Variants in MIB2 observed in about 807,000 individuals in gnomAD.
MIB2 encodes the protein E3 ubiquitin-protein ligase MIB2.
A neutral mutation model predicts 96.6 loss-of-function variants in MIB2; 78 were observed. The observed-to-expected ratio is 0.81, with a 90% CI of 0.67 to 0.97. The LOEUF (loss-of-function observed/expected upper bound fraction) is 0.97. Ranked by LOEUF, MIB2 falls within the 50% of genes least tolerant of loss-of-function variation. The probability of loss-of-function intolerance (pLI) is 0.00; values close to 1 mark genes in which losing one functional copy is unlikely to be tolerated. For synonymous variants in MIB2, 820 were observed against 629.5 expected, an observed-to-expected ratio of 1.30 and a Z score of -4.53; for missense variants, 1,543 against 1,424.0, an observed-to-expected ratio of 1.08 and a Z score of -1.35.
chr1:1,617,198 C>T (rs892850648), intron 2 of MIB2: 5 of 153,198 alleles, frequency 3.3e-5, no homozygotes, highest in Admixed American at 2.0e-4. Flanking sequence ...TGTGGCGTGC[C>T]ACACACAGCG....
Position 1,623,441 on chromosome 1 carries a change from G to A in MIB2, c.-12G>A, listed in dbSNP as rs1366380524. 2 of 1,601,646 alleles carry A rather than the reference G, an allele frequency of 1.2e-6. No homozygotes were observed. The highest frequency in any genetic ancestry group is 1.7e-6 in the Non-Finnish European group (2 of 1,175,688). On this transcript the variant is annotated 5_prime_UTR_variant, in exon 3 of 20. Coordinates refer to ENST00000355826, the MANE Select transcript of MIB2 (RefSeq NM_001170687.4). ...CCCCTCTGCCCACAGGTCCCGAGCA[G>A]CCCCGCCCAACATGGACCCAGACCC...
At position 1,627,397 on chromosome 1, in the gene MIB2, C is replaced by T; in HGVS notation, c.1476C>T (p.Asp492=). The T allele has an allele frequency of 1.2e-6, 2 of 1,612,996 alleles. No homozygotes were observed. The highest frequency in any genetic ancestry group is 8.5e-7 in the Non-Finnish European group (1 of 1,179,948). The change falls in exon 12 of 20, where the codon GAC becomes GAT. Residue 492 remains aspartate (D), a synonymous_variant. Transcript: ENST00000355826. ...RLLLQARAGV[D]LPDDEGNTAL... ...TGCTACAAGCCAGGGCGGGCGTGGA[C>T]CTGCCGGACGACGAGGGCAACACGG...
At position 1,626,300 on chromosome 1, in the gene MIB2, C is replaced by T. The variant is rs1281635489; in HGVS notation, c.973-350C>T. ...TGGGCCCGTCCTGCACCCCATGGTC[C>T]TGGGGCCCCACCCCCACGCTGGCTC... is the stretch of plus-strand genomic sequence containing the variant. On this transcript the variant is annotated intron_variant, in intron 8 of 19. Coordinates refer to ENST00000355826, the MANE Select transcript of MIB2 (RefSeq NM_001170687.4). This position sits in a 1 kb window ranked among gnomAD's most constrained non-coding sequence, Gnocchi z 5.3. 1.4e-5 allele frequency: 5 copies of T among 357,800 alleles called. No individual in the cohort carries two copies. The South Asian group carries it at 1.5e-4, about 11-fold the overall frequency. The allele number at this position is 357,800 out of a possible 1,614,324, so 22.2% of individuals were successfully genotyped here.
Position 1,626,619 on chromosome 1 carries a change from G to A in MIB2, c.973-31G>A. 6.6e-7 allele frequency: 1 copy of A among 1,507,686 alleles called. No homozygotes were observed. Among genetic ancestry groups the A allele is most frequent in the East Asian group, 2.4e-5 (1 of 42,468 alleles). 93.4% of individuals were successfully genotyped at this position (1,507,686 alleles called of 1,614,324 possible). A position where few individuals can be genotyped will look rare whatever the true frequency, so the allele number is the denominator to read the frequency against. On this transcript the variant is annotated intron_variant, in intron 8 of 19. Transcript: ENST00000355826. The surrounding 1 kb of genome is among the most constrained non-coding windows in gnomAD (Gnocchi z 5.3). ...AGCCTGGGCAGCCACACACAGCTGGGGGGCCCCTCACGCCCCTCTTTGTCG... is the reference window on the plus strand; with the variant it reads ...AGCCTGGGCAGCCACACACAGCTGGAGGGCCCCTCACGCCCCTCTTTGTCG...
rs774154462 is a variant in MIB2 at position 1,615,625 on chromosome 1, C to G, written c.-138C>G. ...ACTGGCGCGATGCGGGCCGTCCTCTCGGCTGATGGTGCGTGCGGGCGCGGA... is the reference window on the plus strand; with the variant it reads ...ACTGGCGCGATGCGGGCCGTCCTCTGGGCTGATGGTGCGTGCGGGCGCGGA... On this transcript the variant is annotated 5_prime_UTR_variant, in exon 1 of 20. Coordinates refer to ENST00000355826, the MANE Select transcript of MIB2 (RefSeq NM_001170687.4). 2.5e-6 allele frequency: 4 copies of G among 1,573,518 alleles called. No individual in the cohort carries two copies. The highest frequency in any genetic ancestry group is 3.4e-6 in the Non-Finnish European group (4 of 1,163,862).
chr1:1,626,385 C>G lies in MIB2; in HGVS notation c.973-265C>G, dbSNP rs1644764883. 2 of 501,872 alleles carry G rather than the reference C, an allele frequency of 4.0e-6. No homozygotes were observed. Among genetic ancestry groups the G allele is most frequent in the South Asian group, 6.6e-5 (2 of 30,200 alleles). 31.1% of individuals were successfully genotyped at this position (501,872 alleles called of 1,614,324 possible). On this transcript the variant is annotated intron_variant, in intron 8 of 19. Transcript: ENST00000355826. This position sits in a 1 kb window ranked among gnomAD's most constrained non-coding sequence, Gnocchi z 5.3. ...CGTACAGCTTCCCAGGGCCAGCCAC[C>G]TCGGCTTCACACCTGCCCAGAGCTG... is the stretch of plus-strand genomic sequence containing the variant.
At position 1,626,901 on chromosome 1, in the gene MIB2, C is replaced by T. The variant is rs753978799; in HGVS notation, c.1142C>T (p.Ala381Val). ...GACGGGAACCTGCGTGTAGCAGTCGCTGGTCAGCGGTGGACCTTCAGCCCC... is the reference window on the plus strand; with the variant it reads ...GACGGGAACCTGCGTGTAGCAGTCGTTGGTCAGCGGTGGACCTTCAGCCCC... ...FGDGNLRVAV[A>V]GQRWTFSPSC... Residue 381 changes from alanine (A) to valine (V), a missense_variant, in exon 10 of 20, where the codon GCT (alanine) becomes GTT (valine). By Grantham distance (64) the Ala-to-Val change is moderately conservative. Coordinates refer to ENST00000355826, the MANE Select transcript of MIB2 (RefSeq NM_001170687.4). This position sits in a 1 kb window ranked among gnomAD's most constrained non-coding sequence, Gnocchi z 5.3. 5.6e-6 allele frequency: 9 copies of T among 1,607,590 alleles called. No individual in the cohort carries two copies. Among genetic ancestry groups the T allele is most frequent in the Admixed American group, 5.0e-5 (3 of 59,880 alleles).
rs1274766464 is a variant in MIB2, at chr1:1,627,587, T to A, written c.1524-86T>A. ...GGCCCGGCGGGGCTGAGCCTGTGCG[T>A]CCTGGGGTCGGGCCTGGCGGGGCTG... is the stretch of plus-strand genomic sequence containing the variant. On this transcript the variant is annotated intron_variant, in intron 12 of 19. Coordinates refer to ENST00000355826, the MANE Select transcript of MIB2 (RefSeq NM_001170687.4). 2.0e-6 allele frequency: 3 copies of A among 1,506,728 alleles called. No homozygotes were observed. The African/African-American group carries it at 4.2e-5, about 21-fold the overall frequency. The allele number at this position is 1,506,728 out of a possible 1,614,324, so 93.3% of individuals were successfully genotyped here.
chr1:1,626,554 C>T lies in MIB2; in HGVS notation c.973-96C>T. Reference sequence around the variant, plus strand: ...GGGGCCGGGGCCGAGTCAGGCCTGCCTGTCTCGTGGAGCTCAGCAGGTTGC... The same window carrying T: ...GGGGCCGGGGCCGAGTCAGGCCTGCTTGTCTCGTGGAGCTCAGCAGGTTGC... On this transcript the variant is annotated intron_variant, in intron 8 of 19. Transcript: ENST00000355826. The surrounding 1 kb of genome is among the most constrained non-coding windows in gnomAD (Gnocchi z 5.3). 1.8e-6 allele frequency: 2 copies of T among 1,094,668 alleles called. No individual in the cohort carries two copies. The highest frequency in any genetic ancestry group is 3.0e-4 in the Middle Eastern group (1 of 3,344). The allele number at this position is 1,094,668 out of a possible 1,614,324, so 67.8% of individuals were successfully genotyped here. A position where few individuals can be genotyped will look rare whatever the true frequency, so the allele number is the denominator to read the frequency against.
chr1:1,628,335 T>C lies in MIB2; in HGVS notation c.1904T>C (p.Phe635Ser), dbSNP rs369027281. The change falls in exon 15 of 20, where the codon TTC becomes TCC. Residue 635 changes from phenylalanine to serine, a missense_variant. By Grantham distance (155) the Phe-to-Ser change is radical. Coordinates refer to ENST00000355826, the MANE Select transcript of MIB2 (RefSeq NM_001170687.4). ...QLVDAKKEDG[F>S]TALHLAALNN... ...GTGGACGCCAAGAAGGAGGACGGCTTCACGGCGCTGCATCTGGCTGCCCTC... is the reference window on the plus strand; with the variant it reads ...GTGGACGCCAAGAAGGAGGACGGCTCCACGGCGCTGCATCTGGCTGCCCTC... 3 of 1,612,710 alleles carry C rather than the reference T, an allele frequency of 1.9e-6. No individual in the cohort carries two copies. In the African/African-American group the frequency reaches 4.0e-5, roughly 22 times the overall value.
At chr1:1,615,367 C>T (rs976363341), upstream of MIB2, 2 of 1,417,848 alleles carry the variant, frequency 1.4e-6, no homozygotes, top group South Asian at 1.5e-5. Context: ...CGCTCGGAAC[C>T]TAGCTGCGCC....
At chr1:1,629,745 C>T in intron 19 of MIB2, 41 bp downstream of exon 19, 1 of 1,531,272 alleles carries the variant, frequency 6.5e-7, no homozygotes, top group Non-Finnish European at 8.8e-7. Flanking sequence ...TCCTGCTCAG[C>T]TGGTGGCCCG....
In MIB2 at chr1:1,626,532, G is replaced by A; in HGVS notation, c.973-118G>A. 1 of 831,214 alleles carries A rather than the reference G, an allele frequency of 1.2e-6. No homozygotes were observed. Among genetic ancestry groups the A allele is most frequent in the Non-Finnish European group, 1.8e-6 (1 of 552,202 alleles). The allele number at this position is 831,214 out of a possible 1,614,324, so 51.5% of individuals were successfully genotyped here. The stretch of plus-strand genomic sequence containing the variant: ...GGCAGTGCCTGGGGTCGGGGTCGGG[G>A]CCGGGGCCGAGTCAGGCCTGCCTGT... On this transcript the variant is annotated intron_variant, in intron 8 of 19. Coordinates refer to ENST00000355826, the MANE Select transcript of MIB2 (RefSeq NM_001170687.4). This position sits in a 1 kb window ranked among gnomAD's most constrained non-coding sequence, Gnocchi z 5.3.
Position 1,630,433 on chromosome 1 carries a change from A to G in MIB2, c.2771A>G (p.Gln924Arg). 6.3e-7 allele frequency: 1 copy of G among 1,588,204 alleles called. No individual in the cohort carries two copies. Among genetic ancestry groups the G allele is most frequent in the Admixed American group, 1.7e-5 (1 of 57,256 alleles). The change falls in exon 20 of 20, where the codon CAG becomes CGG. Residue 924 changes from glutamine (Q) to arginine (R), a missense_variant. Physicochemically the swap from Gln to Arg is conservative, Grantham distance 43. Coordinates refer to ENST00000355826, the MANE Select transcript of MIB2 (RefSeq NM_001170687.4). ...GACAGCCACATCCGCCTCGTGTTCC[A>G]GTGCGGCCACGGCGCATGCGCCCCC... is the stretch of plus-strand genomic sequence containing the variant. The part of the protein sequence containing the change: ...CIDSHIRLVF[Q>R]CGHGACAPCG...
intron 2 of MIB2, among the ~76,000 whole-genome samples, chr1:1,622,589 T>C (rs1158474370): frequency 6.6e-6 from 1 of 152,242 alleles, no homozygotes; most frequent in Non-Finnish European, 1.5e-5. Context: ...CTCCATCTGC[T>C]GGTGAGCTCT....
Position 1,629,639 on chromosome 1 carries a change from A to G in MIB2, c.2564A>G (p.Glu855Gly). 1.3e-6 allele frequency: 2 copies of G among 1,590,024 alleles called. No individual in the cohort carries two copies. Among genetic ancestry groups the G allele is most frequent in the Non-Finnish European group, 1.7e-6 (2 of 1,168,522 alleles). ...GCCAACCGCGCTCTCCTCTTCGCAG[A>G]GTGCGCGCGCAGGATGAAGAAGTGC... ...SPCQHRTVCE[E>G]CARRMKKCIR... The change falls in exon 19 of 20, where the codon GAG becomes GGG. Residue 855 changes from glutamate to glycine, a missense_variant and splice_region_variant. Physicochemically the swap from Glu to Gly is moderately conservative, Grantham distance 98. Transcript: ENST00000355826.
intron 1 of MIB2, chr1:1,615,840 C>T: frequency 8.0e-7 from 1 of 1,242,298 alleles, no homozygotes; most frequent in Non-Finnish European, 1.0e-6. Flanking sequence ...GGTCCGGCCA[C>T]CCGCGCGGGA....
Position 1,626,281 on chromosome 1 carries a change from C to T in MIB2, c.973-369C>T, listed in dbSNP as rs533344744. 10 of 306,494 alleles carry T rather than the reference C, an allele frequency of 3.3e-5. No individual in the cohort carries two copies. Among genetic ancestry groups the T allele is most frequent in the Admixed American group, 2.3e-4 (5 of 21,676 alleles). The allele number at this position is 306,494 out of a possible 1,614,324, so 19.0% of individuals were successfully genotyped here. On this transcript the variant is annotated intron_variant, in intron 8 of 19. Coordinates refer to ENST00000355826, the MANE Select transcript of MIB2 (RefSeq NM_001170687.4). The surrounding 1 kb of genome is among the most constrained non-coding windows in gnomAD (Gnocchi z 5.3). Reference sequence around the variant, plus strand: ...GGGCTCAGGTGGGGCAGAGTGGGCCCGTCCTGCACCCCATGGTCCTGGGGC... The same window carrying T: ...GGGCTCAGGTGGGGCAGAGTGGGCCTGTCCTGCACCCCATGGTCCTGGGGC...
intron 2 of MIB2, chr1:1,617,805 A>T (rs545326908): frequency 6.6e-6 from 1 of 152,366 alleles, no homozygotes; most frequent in African/African-American, 2.4e-5. Flanking sequence ...CATCGGGAGC[A>T]GTTGCCTGCA....
Sources: allele counts gnomAD v4.1 joint callset (sites outside exome capture counted in the v4.1 genomes callset), GRCh38; gene constraint gnomAD v4.1.1; non-coding constraint Gnocchi (gnomAD v3.1); transcripts MANE v1.5; gene names NCBI Gene and HGNC (gene_info 2026-07-23, HGNC 2026-07-21).